Variants in PTPN1 observed in about 807,000 individuals in gnomAD.
PTPN1 encodes the protein tyrosine-protein phosphatase non-receptor type 1.
In PTPN1, 12 loss-of-function variants were observed where a neutral mutation model predicts 59.9. That is an observed-to-expected ratio of 0.20 (90% confidence interval 0.13 to 0.32). PTPN1 has a LOEUF of 0.32. PTPN1 is among the 10% of genes least tolerant of loss of function. PTPN1 has a pLI of 1.00. For synonymous variants in PTPN1, 178 were observed against 203.6 expected (o/e 0.87, Z 1.07); for missense variants, 356 against 549.2 (o/e 0.65, Z 3.52).
In PTPN1 at chr20:50,542,735, C is replaced by T. The variant is rs532368969; in HGVS notation, c.64-18628C>T. 2.6e-5 allele frequency among the ~76,000 whole-genome samples: 4 copies of T among 152,262 alleles called. No individual in the cohort carries two copies. The East Asian group carries it at 7.7e-4, about 29-fold the overall frequency. On this transcript the variant is annotated intron_variant, in intron 1 of 9. Transcript: ENST00000371621. ...GCCCTTTTAAGAAAGGATTTGGCAT[C>T]CCTCAGCCTTCAAAAGCTTCTCAAA...
At position 50,510,404 on chromosome 20, in the gene PTPN1, G is replaced by C; in HGVS notation, c.-124G>C. 4 of 1,033,602 alleles carry C rather than the reference G, an allele frequency of 3.9e-6. No individual in the cohort carries two copies. The South Asian group carries it at 6.0e-5, about 15-fold the overall frequency. 64.0% of individuals were successfully genotyped at this position (1,033,602 alleles called of 1,614,324 possible). A position where few individuals can be genotyped will look rare whatever the true frequency, so the allele number is the denominator to read the frequency against. ...TGACATGAAGAAGCAGCAGCGGCTA[G>C]GGCGGCGGTAGCTGCAGGGGTCGGG... On this transcript the variant is annotated 5_prime_UTR_variant, in exon 1 of 10. Coordinates refer to ENST00000371621, the MANE Select transcript of PTPN1 (RefSeq NM_002827.4).
chr20:50,529,488 A>G (rs2082591377), intron 1 of PTPN1, among the ~76,000 whole-genome samples: 1 of 152,238 alleles, frequency 6.6e-6, no homozygotes, highest in Non-Finnish European at 1.5e-5. Context: ...ATTTGTCTTT[A>G]AACTTTTACT....
intron 1 of PTPN1, chr20:50,558,130 C>T (rs1291884940): frequency 6.6e-6 from 1 of 151,956 alleles, no homozygotes; most frequent in Non-Finnish European, 1.5e-5. Flanking sequence ...CCACCACACC[C>T]CATGATAATT....
At position 50,582,358 on chromosome 20, in the gene PTPN1, T is replaced by TA. The variant is rs2082873189; in HGVS notation, c.1285-333dup. 6.6e-6 allele frequency among the ~76,000 whole-genome samples: 1 copy of TA among 152,268 alleles called. No individual in the cohort carries two copies. The highest frequency in any genetic ancestry group is 2.1e-4 in the South Asian group (1 of 4,836). ...GCCATTTCAGCAGAAATTCACACGT[T>TA]AGACGTGTGTTGCTGTTAAGTAAGG... is the stretch of plus-strand genomic sequence containing the variant. On this transcript the variant is annotated intron_variant, in intron 9 of 9. Coordinates refer to ENST00000371621, the MANE Select transcript of PTPN1 (RefSeq NM_002827.4). The surrounding 1 kb of genome is among the most constrained non-coding windows in gnomAD (Gnocchi z 4.2).
At chr20:50,561,303 C>G in intron 1 of PTPN1, 60 bp from the exon 2 acceptor site, 1 of 1,296,166 alleles carries the variant, frequency 7.7e-7, no homozygotes, top group Non-Finnish European at 1.1e-6. Flanking sequence ...ATGTCTGTTT[C>G]TTTGCTGGGT....
In PTPN1 at chr20:50,582,617, G is replaced by GC; in HGVS notation, c.1285-73dup. Reference sequence around the variant, plus strand: ...GAGGTTGAAGTTGCCGGGGGGTGTGGCCGGGGTCATGCATGAGGCGACAGC... The same window carrying GC: ...GAGGTTGAAGTTGCCGGGGGGTGTGGCCCGGGGTCATGCATGAGGCGACAGC... On this transcript the variant is annotated intron_variant, in intron 9 of 9. Coordinates refer to ENST00000371621, the MANE Select transcript of PTPN1 (RefSeq NM_002827.4). This position sits in a 1 kb window ranked among gnomAD's most constrained non-coding sequence, Gnocchi z 4.2. The GC allele has an allele frequency of 1.9e-6, 3 of 1,541,290 alleles. No individual in the cohort carries two copies. Among genetic ancestry groups the GC allele is most frequent in the South Asian group, 2.3e-5 (2 of 86,522 alleles).
rs192572395 is a variant in PTPN1, at chr20:50,539,439, G to C, written c.64-21924G>C. ...CAACAGTACATATTCATAATAGTTT[G>C]TCAGCAGCCTATTATTTTAAGGCCA... On this transcript the variant is annotated intron_variant, in intron 1 of 9. Coordinates refer to ENST00000371621, the MANE Select transcript of PTPN1 (RefSeq NM_002827.4). 3.2e-3 allele frequency among the ~76,000 whole-genome samples: 491 copies of C among 152,204 alleles called. 2 individuals are homozygous for C. The highest frequency in any genetic ancestry group is 4.0e-3 in the Non-Finnish European group (273 of 68,010).
chr20:50,557,275 G>A (rs2082730147), intron 1 of PTPN1, among the ~76,000 whole-genome samples: 1 of 151,978 alleles, frequency 6.6e-6, no homozygotes, highest in South Asian at 2.1e-4. Context: ...CTGTCGCCCA[G>A]GCTGGAGTAC....
chr20:50,578,427 A>C lies in PTPN1; in HGVS notation c.500A>C (p.Glu167Ala), dbSNP rs762225731. The change falls in exon 6 of 10, where the codon GAA becomes GCA. Residue 167 changes from glutamate (E) to alanine (A), a missense_variant. Physicochemically the swap from Glu to Ala is moderately radical, Grantham distance 107. Around this residue, in one of 3 missense-constraint regions of PTPN1, gnomAD observed 194 missense variants for 344.2 expected, o/e 0.56. Coordinates refer to ENST00000371621, the MANE Select transcript of PTPN1 (RefSeq NM_002827.4). Reference sequence around the variant, plus strand: ...AGTATTTTTCTCTTTCAGACCCAAGAAACTCGAGAGATCTTACATTTCCAC... The same window carrying C: ...AGTATTTTTCTCTTTCAGACCCAAGCAACTCGAGAGATCTTACATTTCCAC... ...QLELENLTTQ[E>A]TREILHFHYT... 1 of 1,613,664 alleles carries C rather than the reference A, an allele frequency of 6.2e-7. No homozygotes were observed. The highest frequency in any genetic ancestry group is 1.1e-5 in the South Asian group (1 of 91,076).
Position 50,582,646 on chromosome 20 carries a change from G to A in PTPN1, c.1285-46G>A, listed in dbSNP as rs1189929113. On this transcript the variant is annotated intron_variant, in intron 9 of 9. Coordinates refer to ENST00000371621, the MANE Select transcript of PTPN1 (RefSeq NM_002827.4). This position sits in a 1 kb window ranked among gnomAD's most constrained non-coding sequence, Gnocchi z 4.2. ...GGGTCATGCATGAGGCGACAGCTCT[G>A]CAGGTGCGGGTCTGGGCTCATCTGA... 6.2e-7 allele frequency: 1 copy of A among 1,608,990 alleles called. No individual in the cohort carries two copies. The highest frequency in any genetic ancestry group is 8.5e-7 in the Non-Finnish European group (1 of 1,177,352).
At chr20:50,525,249 C>T (rs759822765) in intron 1 of PTPN1, among the ~76,000 whole-genome samples, 1 of 152,054 alleles carries the variant, frequency 6.6e-6, no homozygotes, top group African/African-American at 2.4e-5. Flanking sequence ...TTAATAGAGA[C>T]AATGTTTCAC....
intron 1 of PTPN1, among the ~76,000 whole-genome samples, chr20:50,541,300 A>G (rs867424059): frequency 3.9e-5 from 6 of 152,270 alleles, no homozygotes; most frequent in Middle Eastern, 3.4e-3. Context: ...TCATCATGCT[A>G]TGTCTATTTT....
At chr20:50,562,406 C>G (rs2082757176) in intron 2 of PTPN1, among the ~76,000 whole-genome samples, 1 of 152,192 alleles carries the variant, frequency 6.6e-6, no homozygotes, top group South Asian at 2.1e-4. Flanking sequence ...TGGACCTAGA[C>G]TTGGTGTAGA....
intron 4 of PTPN1, chr20:50,572,054 G>A (rs1240054690): frequency 6.6e-6 from 1 of 152,202 alleles, no homozygotes; most frequent in African/African-American, 2.4e-5. Flanking sequence ...ACCCGTCACA[G>A]GGTTACTGTA....
At chr20:50,515,636 A>G (rs2082525859) in intron 1 of PTPN1, among the ~76,000 whole-genome samples, 1 of 152,148 alleles carries the variant, frequency 6.6e-6, no homozygotes, top group Admixed American at 6.5e-5. Context: ...ATGGAGCCCA[A>G]GCTTCCTGAG....
intron 4 of PTPN1, chr20:50,573,853 C>G (rs557944412): frequency 6.6e-6 from 1 of 152,142 alleles, no homozygotes; most frequent in Non-Finnish European, 1.5e-5. Flanking sequence ...CATAAATTTT[C>G]TTGTTTTAAA....
intron 1 of PTPN1, among the ~76,000 whole-genome samples, chr20:50,514,460 A>G (rs2082520491): frequency 6.6e-6 from 1 of 152,212 alleles, no homozygotes; most frequent in Non-Finnish European, 1.5e-5. Flanking sequence ...TTTGTTAAAG[A>G]AAACTGTCTT....
At chr20:50,569,564 G>A (rs2082796635) in intron 4 of PTPN1, among the ~76,000 whole-genome samples, 1 of 151,588 alleles carries the variant, frequency 6.6e-6, no homozygotes, top group South Asian at 2.1e-4. Flanking sequence ...TGTGTAGATT[G>A]TCTGTGTAGA....
intron 1 of PTPN1, among the ~76,000 whole-genome samples, chr20:50,552,965 A>C (rs2122766215): frequency 6.6e-6 from 1 of 152,300 alleles, no homozygotes; most frequent in African/African-American, 2.4e-5. Flanking sequence ...ATTATAAAAA[A>C]ATAATCTGCC....
Sources: allele counts gnomAD v4.1 joint callset (sites outside exome capture counted in the v4.1 genomes callset), GRCh38; gene constraint gnomAD v4.1.1; regional missense constraint gnomAD v4.1.1; non-coding constraint Gnocchi (gnomAD v3.1); transcripts MANE v1.5; gene names NCBI Gene and HGNC (gene_info 2026-07-23, HGNC 2026-07-21).